VRTN: variants seen among roughly 807,000 people sequenced by gnomAD.
VRTN encodes the protein vertebrae development associated, also known as vertnin.
Under a neutral mutation model 18.2 loss-of-function variants are expected in VRTN, and 5 were observed. The observed-to-expected ratio is 0.27, with a 90% CI of 0.14 to 0.58. VRTN has a LOEUF of 0.58. Ranked by LOEUF, VRTN falls within the 20% of genes least tolerant of loss-of-function variation. The pLI, the probability that VRTN is intolerant of heterozygous loss-of-function variation, is 0.91. For missense variants in VRTN, 741 were observed against 939.4 expected, an observed-to-expected ratio of 0.79 and a Z score of 2.76; for synonymous variants, 381 against 393.7, an observed-to-expected ratio of 0.97 and a Z score of 0.38.
chr14:74,347,548 CGGA>C (rs2085651593), upstream of VRTN, among the ~76,000 whole-genome samples: 1 of 152,178 alleles, frequency 6.6e-6, no homozygotes. Flanking sequence ...AGAGACAGCA[CGGA>C]GGAGCTGTGG....
intron 1 of VRTN, among the ~76,000 whole-genome samples, chr14:74,352,310 C>T (rs939888234): frequency 2.6e-5 from 4 of 152,082 alleles, no homozygotes; most frequent in African/African-American, 4.8e-5. Flanking sequence ...TCCCGAGTAG[C>T]TGGGATAACA....
At chr14:74,350,315 C>T (rs1009462520) in intron 1 of VRTN, among the ~76,000 whole-genome samples, 1 of 152,028 alleles carries the variant, frequency 6.6e-6, no homozygotes, top group African/African-American at 2.4e-5. Context: ...GTACCTCCTA[C>T]CTCTTTGGGG....
intron 1 of VRTN, among the ~76,000 whole-genome samples, chr14:74,314,422 A>G (rs1446608461): frequency 7.3e-6 from 1 of 136,180 alleles, no homozygotes; most frequent in Non-Finnish European, 1.5e-5. Context: ...TTTGAGATGA[A>G]GTCTCACACT....
intron 1 of VRTN, among the ~76,000 whole-genome samples, chr14:74,316,167 T>C (rs1367465700): frequency 6.6e-6 from 1 of 152,036 alleles, no homozygotes; most frequent in African/African-American, 2.4e-5. Context: ...AGGATGATGG[T>C]GGAGGTGCTT....
At chr14:74,348,863 A>AC (rs2085663120) in intron 1 of VRTN, among the ~76,000 whole-genome samples, 1 of 48,058 alleles carries the variant, frequency 2.1e-5, no homozygotes, top group Admixed American at 1.9e-4. Flanking sequence ...CCCCACCCCC[A>AC]CCTCCACCTC....
At position 74,348,666 on chromosome 14, in the gene VRTN, C is replaced by G. The variant is rs1171912206; in HGVS notation, c.-2+14C>G. 2 of 152,316 alleles carry G rather than the reference C, an allele frequency of 1.3e-5. No individual in the cohort carries two copies. Among genetic ancestry groups the G allele is most frequent in the Non-Finnish European group, 2.9e-5 (2 of 68,154 alleles). The allele number at this position is 152,316 out of a possible 1,614,324, so 9.4% of individuals were successfully genotyped here. A position where few individuals can be genotyped will look rare whatever the true frequency, so the allele number is the denominator to read the frequency against. On this transcript the variant is annotated intron_variant, in intron 1 of 1. Transcript: ENST00000256362. The stretch of plus-strand genomic sequence containing the variant: ...GTCACACTCCAGGTCAGTAAAACAG[C>G]GAGTTTCCTCAAAACTAGGAAGGGT...
chr14:74,354,549 C>T (rs564839910), intron 1 of VRTN, among the ~76,000 whole-genome samples: 2 of 152,120 alleles, frequency 1.3e-5, no homozygotes, highest in African/African-American at 4.8e-5. Flanking sequence ...GGACCACAGG[C>T]ATGTGCTGCC....
intron 1 of VRTN, among the ~76,000 whole-genome samples, chr14:74,352,155 A>G (rs1595175229): frequency 1.4e-5 from 2 of 143,622 alleles, no homozygotes; most frequent in Admixed American, 7.2e-5. Flanking sequence ...GCCCGGCCTC[A>G]GTACTTTTAA....
intron 1 of VRTN, among the ~76,000 whole-genome samples, chr14:74,319,656 G>A (rs2085440822): frequency 6.6e-6 from 1 of 152,152 alleles, no homozygotes; most frequent in Admixed American, 6.6e-5. Context: ...GACACCCAGT[G>A]GTGATGTTAC....
intron 1 of VRTN, among the ~76,000 whole-genome samples, chr14:74,352,014 T>A (rs932125907): frequency 3.4e-5 from 5 of 147,686 alleles, no homozygotes; most frequent in African/African-American, 1.3e-4. Flanking sequence ...CAGCTAATTA[T>A]TTTTTTTTTG....
chr14:74,356,838 GT>G lies in VRTN; in HGVS notation c.56del (p.Val19GlyfsTer10). On this transcript the variant is annotated frameshift_variant, in exon 2 of 2. Transcript: ENST00000256362. LOFTEE classifies it high-confidence loss of function. ...QKVLQELQEAVECEGLEGLIG... is the reference protein window; with the variant it reads ...QKVLQELQEAXECEGLEGLIG... ...GGTGCTGCAGGAGCTGCAGGAAGCA[GT>G]GGAGTGCGAAGGCCTGGAGGGTCTC... 1 of 1,612,830 alleles carries G rather than the reference GT, an allele frequency of 6.2e-7. No homozygotes were observed.
intron 1 of VRTN, among the ~76,000 whole-genome samples, chr14:74,319,620 A>C (rs115405794): frequency 0.012 from 1,846 of 152,298 alleles, 30 homozygotes; most frequent in African/African-American, 0.042. Flanking sequence ...TTGTTTATGG[A>C]CAGGTTAAAT....
At chr14:74,316,859 G>A (rs1028677640) in intron 1 of VRTN, among the ~76,000 whole-genome samples, 1 of 151,776 alleles carries the variant, frequency 6.6e-6, no homozygotes, top group African/African-American at 2.4e-5. Flanking sequence ...GGATGGTCTC[G>A]ATTTCCTGAC....
upstream of VRTN, among the ~76,000 whole-genome samples, chr14:74,345,992 C>T (rs2085641884): frequency 6.7e-6 from 1 of 149,854 alleles, no homozygotes. Context: ...AAAATAAACA[C>T]GTATATATGC....
intron 1 of VRTN, among the ~76,000 whole-genome samples, chr14:74,330,232 C>A (rs1316184675): frequency 1.3e-5 from 2 of 151,790 alleles, no homozygotes; most frequent in African/African-American, 4.8e-5. Flanking sequence ...AGTTGGGAAA[C>A]ACTTTTCTAA....
chr14:74,343,079 G>A (rs2085619001), intron 2 of VRTN, among the ~76,000 whole-genome samples: 1 of 152,018 alleles, frequency 6.6e-6, no homozygotes, highest in South Asian at 2.1e-4. Context: ...CATTATACTG[G>A]CAGGGTGGAG....
At chr14:74,346,239 C>T (rs186045516), upstream of VRTN, among the ~76,000 whole-genome samples, 281 of 151,978 alleles carry the variant, frequency 1.8e-3, 1 homozygote, top group Middle Eastern at 6.8e-3. Flanking sequence ...GAGTTTGAGG[C>T]TGCAGTGAGC....
rs530877881 is a variant in VRTN at position 74,336,806 on chromosome 14, G to A, written c.-163-917G>A. 9.9e-5 allele frequency among the ~76,000 whole-genome samples: 15 copies of A among 151,978 alleles called. No homozygotes were observed. In the South Asian group the frequency reaches 1.9e-3, roughly 19 times the overall value. Reference sequence around the variant, plus strand: ...AAGTTTCCTCTTGGTAATTTTTTTCGCTATTTTCCTCTAGGTGACTTTAGA... The same window carrying A: ...AAGTTTCCTCTTGGTAATTTTTTTCACTATTTTCCTCTAGGTGACTTTAGA... On this transcript the variant is annotated intron_variant, in intron 1 of 2. Coordinates refer to the VRTN transcript ENST00000557177.
chr14:74,315,334 C>T (rs993280052), intron 1 of VRTN, among the ~76,000 whole-genome samples: 2 of 152,182 alleles, frequency 1.3e-5, no homozygotes, highest in Non-Finnish European at 2.9e-5. Flanking sequence ...GTGCCTCAGC[C>T]TCCTGAGTAG....
Sources: gnomAD v4.1 joint callset for allele counts (sites outside exome capture counted in the v4.1 genomes callset) on GRCh38, gnomAD v4.1.1 for gene constraint, MANE v1.5 for transcripts, NCBI Gene and HGNC (gene_info 2026-07-23, HGNC 2026-07-21) for gene names.